The following KIAA1549 variants were observed in gnomAD, a reference collection of about 807,000 sequenced individuals.
The protein encoded by KIAA1549 is UPF0606 protein KIAA1549.
Under a neutral mutation model 156.4 loss-of-function variants are expected in KIAA1549, and 70 were observed. That is an observed-to-expected ratio of 0.45 (90% confidence interval 0.37 to 0.55). KIAA1549 has a LOEUF of 0.55. KIAA1549 is among the 20% of genes least tolerant of loss of function. The probability of loss-of-function intolerance (pLI) is 0.00; values close to 1 mark genes in which losing one functional copy is unlikely to be tolerated. For missense variants in KIAA1549, 2,428 were observed against 2,540.9 expected (o/e 0.96, Z 0.96); for synonymous variants, 1,103 against 1,066.4 (o/e 1.03, Z -0.67).
chr7:138,884,195 T>A (rs888090337), intron 10 of KIAA1549, among the ~76,000 whole-genome samples: 2 of 152,084 alleles, frequency 1.3e-5, no homozygotes, highest in Non-Finnish European at 2.9e-5. Flanking sequence ...ACTGTGGAGG[T>A]TCCTGGAAGG....
chr7:138,966,856 G>A (rs999628995), intron 1 of KIAA1549, among the ~76,000 whole-genome samples: 1 of 152,106 alleles, frequency 6.6e-6, no homozygotes, highest in African/African-American at 2.4e-5. Context: ...ACCTTTGGAG[G>A]AAGCACAGTG....
At chr7:138,915,260 C>T (rs1812284483) in intron 2 of KIAA1549, among the ~76,000 whole-genome samples, 1 of 152,184 alleles carries the variant, frequency 6.6e-6, no homozygotes, top group Non-Finnish European at 1.5e-5. Flanking sequence ...AATAGCCACT[C>T]TTGGAGAATT....
intron 12 of KIAA1549, among the ~76,000 whole-genome samples, chr7:138,877,996 C>T (rs527445640): frequency 9.2e-5 from 14 of 152,216 alleles, no homozygotes; most frequent in Admixed American, 6.5e-4. Context: ...TCTTTCCACG[C>T]CCCCCCAAAT....
At chr7:138,960,298 TATTG>T (rs1813801584) in intron 1 of KIAA1549, among the ~76,000 whole-genome samples, 1 of 85,166 alleles carries the variant, frequency 1.2e-5, no homozygotes, top group Non-Finnish European at 2.4e-5. Flanking sequence ...TTTATTGATT[TATTG>T]ATTTATTTAT....
At chr7:138,877,968 C>G (rs1001021199) in intron 12 of KIAA1549, among the ~76,000 whole-genome samples, 2 of 152,188 alleles carry the variant, frequency 1.3e-5, no homozygotes, top group African/African-American at 4.8e-5. Context: ...ATGAACAGAA[C>G]TTGGAAAAAT....
intron 17 of KIAA1549, 52 bp downstream of exon 17, chr7:138,852,171 A>T: frequency 2.2e-6 from 3 of 1,349,466 alleles, no homozygotes; most frequent in Non-Finnish European, 3.1e-6. Flanking sequence ...TAAAGTTTTT[A>T]AAAACAGCCT....
At chr7:138,901,435 C>A (rs1811839304) in intron 8 of KIAA1549, among the ~76,000 whole-genome samples, 1 of 151,460 alleles carries the variant, frequency 6.6e-6, no homozygotes, top group Non-Finnish European at 1.5e-5. Context: ...AAGTGATTCT[C>A]ATGCCTCAGC....
At chr7:138,873,102 A>G (rs1285975883) in intron 12 of KIAA1549, among the ~76,000 whole-genome samples, 1 of 152,244 alleles carries the variant, frequency 6.6e-6, no homozygotes, top group Non-Finnish European at 1.5e-5. Flanking sequence ...GGTGTAAAAA[A>G]CATAGATGAG....
rs1004956722 is a variant in KIAA1549 at position 138,869,829 on chromosome 7, G to A, written c.4552-68C>T. The A allele has an allele frequency of 1.2e-5, 13 of 1,041,250 alleles. No homozygotes were observed. The African/African-American group carries it at 1.3e-4, about 10-fold the overall frequency. 64.5% of individuals were successfully genotyped at this position (1,041,250 alleles called of 1,614,324 possible). On this transcript the variant is annotated intron_variant, in intron 13 of 19. Transcript: ENST00000422774. ...GGGAAGCTTCTGGGACACACACTTC[G>A]CAAAGTCTTTATTTATTTTTATGTT...
At chr7:138,926,035 G>A (rs1812708458) in intron 1 of KIAA1549, among the ~76,000 whole-genome samples, 1 of 152,110 alleles carries the variant, frequency 6.6e-6, no homozygotes, top group Admixed American at 6.5e-5. Flanking sequence ...GCTGGCCTGG[G>A]AGGCCCAAGG....
intron 15 of KIAA1549, among the ~76,000 whole-genome samples, chr7:138,861,694 AAAAAAAAAAAAG>A (rs980608948): frequency 4.6e-5 from 7 of 151,246 alleles, no homozygotes; most frequent in East Asian, 1.9e-4. Context: ...CATCTCTAAA[AAAAAAAAAAAAG>A]AAAAAAAAAA....
chr7:138,973,594 C>A (rs996435964), intron 1 of KIAA1549, among the ~76,000 whole-genome samples: 1 of 152,222 alleles, frequency 6.6e-6, no homozygotes, highest in Non-Finnish European at 1.5e-5. Context: ...ATGCTCCCCC[C>A]TCACTAGTGT....
At chr7:138,962,600 G>A (rs1295243405) in intron 1 of KIAA1549, among the ~76,000 whole-genome samples, 3 of 152,134 alleles carry the variant, frequency 2.0e-5, no homozygotes, top group African/African-American at 7.2e-5. Flanking sequence ...GGGAGGGAAT[G>A]TGGTGGGACA....
At chr7:138,852,196 TA>T in intron 17 of KIAA1549, 26 bp downstream of exon 17, 1 of 1,562,286 alleles carries the variant, frequency 6.4e-7, no homozygotes, top group Non-Finnish European at 8.8e-7. Flanking sequence ...GAGAAAGTGA[TA>T]ATACATTTTG....
chr7:138,890,097 C>T (rs999668773), intron 10 of KIAA1549, among the ~76,000 whole-genome samples: 3 of 152,204 alleles, frequency 2.0e-5, no homozygotes, highest in Non-Finnish European at 4.4e-5. Flanking sequence ...TGTTCTTTCT[C>T]TCTTTAACAT....
At chr7:138,860,304 C>A (rs150664700) in intron 16 of KIAA1549, among the ~76,000 whole-genome samples, 2 of 152,222 alleles carry the variant, frequency 1.3e-5, no homozygotes, top group African/African-American at 2.4e-5. Context: ...CTGAAGGAGA[C>A]AATCTCTTGC....
At chr7:138,855,222 A>T (rs1241863313) in intron 16 of KIAA1549, among the ~76,000 whole-genome samples, 1 of 152,206 alleles carries the variant, frequency 6.6e-6, no homozygotes, top group East Asian at 1.9e-4. Flanking sequence ...GGAAAACGCA[A>T]GACAAGCTAA....
At chr7:138,974,547 G>A (rs932039261) in intron 1 of KIAA1549, among the ~76,000 whole-genome samples, 1 of 151,954 alleles carries the variant, frequency 6.6e-6, no homozygotes, top group African/African-American at 2.4e-5. Context: ...TCAGCCTCCT[G>A]AGTAGCTGGG....
intron 10 of KIAA1549, among the ~76,000 whole-genome samples, chr7:138,891,568 T>A (rs1398327782): frequency 6.6e-6 from 1 of 152,226 alleles, no homozygotes; most frequent in Non-Finnish European, 1.5e-5. Flanking sequence ...GGCCTCTCCC[T>A]CCTATCATAT....
Sources: gnomAD v4.1 joint callset for allele counts (sites outside exome capture counted in the v4.1 genomes callset) on GRCh38, gnomAD v4.1.1 for gene constraint, MANE v1.5 for transcripts, NCBI Gene and HGNC (gene_info 2026-07-23, HGNC 2026-07-21) for gene names.